Variants in ACBD6 observed in about 807,000 individuals in gnomAD.
ACBD6 encodes acyl-CoA binding domain containing 6.
Under a neutral mutation model 37.2 loss-of-function variants are expected in ACBD6, and 28 were observed. The ratio of observed to expected loss-of-function variants is 0.75; its 90% CI spans 0.56 to 1.03. The LOEUF (loss-of-function observed/expected upper bound fraction) is 1.03, where lower values mean the gene tolerates loss of function less well. Ranked by LOEUF, ACBD6 falls within the 50% of genes least tolerant of loss-of-function variation. The pLI, the probability that ACBD6 is intolerant of heterozygous loss-of-function variation, is 0.00. For synonymous variants in ACBD6, 113 were observed against 126.8 expected (o/e 0.89, Z 0.73); for missense variants, 340 against 337.4 (o/e 1.01, Z -0.06).
chr1:180,303,517 A>G (rs529039706), intron 7 of ACBD6, among the ~76,000 whole-genome samples: 1 of 151,110 alleles, frequency 6.6e-6, no homozygotes, highest in African/African-American at 2.4e-5. Flanking sequence ...AGAAATGGAT[A>G]AATTCCTCGA....
chr1:180,435,437 T>A (rs1571507456), intron 3 of ACBD6: 1 of 414,822 alleles, frequency 2.4e-6, no homozygotes, highest in Non-Finnish European at 4.3e-6. Flanking sequence ...TTTTTTTTAG[T>A]AGAGACGGGG....
rs534462805 is a variant in ACBD6, at chr1:180,333,619, C to T, written c.664-18897G>A. 3.9e-5 allele frequency among the ~76,000 whole-genome samples: 6 copies of T among 152,308 alleles called. No individual in the cohort carries two copies. In the East Asian group the frequency reaches 1.2e-3, roughly 29 times the overall value. ...CAGAAGACGGGTGATTTCTGCATTT[C>T]AACTGAGGTACCGGGGTCATCTCAC... On this transcript the variant is annotated intron_variant, in intron 6 of 7. Transcript: ENST00000367595.
intron 3 of ACBD6, chr1:180,435,901 TG>T: frequency 7.2e-7 from 1 of 1,390,130 alleles, no homozygotes; most frequent in Non-Finnish European, 1.0e-6. Context: ...ACGTCAATGG[TG>T]GTGGCCACAA....
chr1:180,317,529 A>G (rs1650860439), intron 6 of ACBD6, among the ~76,000 whole-genome samples: 1 of 152,204 alleles, frequency 6.6e-6, no homozygotes. Flanking sequence ...CACAATAAAA[A>G]AGAAAGAAAA....
intron 5 of ACBD6, among the ~76,000 whole-genome samples, chr1:180,401,487 AAG>A (rs1647356624): frequency 6.6e-6 from 1 of 152,094 alleles, no homozygotes; most frequent in Admixed American, 6.5e-5. Context: ...AATTAAAAAA[AAG>A]AGAAGAGATT....
intron 4 of ACBD6, among the ~76,000 whole-genome samples, chr1:180,415,847 AAT>A (rs1409554345): frequency 6.6e-6 from 1 of 152,306 alleles, no homozygotes; most frequent in East Asian, 1.9e-4. Context: ...ATGTATCTTA[AAT>A]ATGTTTCTTA....
intron 4 of ACBD6, among the ~76,000 whole-genome samples, chr1:180,424,854 G>C (rs1648518860): frequency 6.6e-6 from 1 of 152,160 alleles, no homozygotes; most frequent in African/African-American, 2.4e-5. Flanking sequence ...TTGTGTACAT[G>C]CTTGGTTGGC....
intron 4 of ACBD6, among the ~76,000 whole-genome samples, chr1:180,421,420 T>G (rs1401452990): frequency 6.6e-6 from 1 of 152,236 alleles, no homozygotes; most frequent in African/African-American, 2.4e-5. Flanking sequence ...TTTAGGTTGA[T>G]CCCATGTCTT....
At chr1:180,470,949 G>A (rs965081236) in intron 3 of ACBD6, among the ~76,000 whole-genome samples, 5 of 152,218 alleles carry the variant, frequency 3.3e-5, no homozygotes, top group East Asian at 1.9e-4. Context: ...AAATAAATCC[G>A]TCTCTTAAAG....
intron 3 of ACBD6, among the ~76,000 whole-genome samples, chr1:180,455,039 T>C (rs1202104820): frequency 1.3e-5 from 2 of 152,196 alleles, no homozygotes; most frequent in Non-Finnish European, 2.9e-5. Flanking sequence ...CAAAGGAGTA[T>C]AAATCATGCT....
At position 180,422,366 on chromosome 1, in the gene ACBD6, C is replaced by T. The variant is rs146854440; in HGVS notation, c.467+7814G>A. On this transcript the variant is annotated intron_variant, in intron 4 of 7. Transcript: ENST00000367595. Reference sequence around the variant, plus strand: ...GATTACAAGCGCACACCACCACTCACGGCTAATTTTTGTATTTTTTGCAGA... The same window carrying T: ...GATTACAAGCGCACACCACCACTCATGGCTAATTTTTGTATTTTTTGCAGA... Among the ~76,000 whole-genome samples the T allele has an allele frequency of 7.0e-3, 1,072 of 152,146 alleles. 9 individuals carry two copies. The highest frequency in any genetic ancestry group is 0.024 in the African/African-American group (1,001 of 41,484).
intron 6 of ACBD6, among the ~76,000 whole-genome samples, chr1:180,396,562 T>C (rs887826453): frequency 6.6e-6 from 1 of 152,176 alleles, no homozygotes; most frequent in African/African-American, 2.4e-5. Flanking sequence ...AAGGGTCTAG[T>C]ATCCAGAATA....
intron 3 of ACBD6, among the ~76,000 whole-genome samples, chr1:180,439,047 T>C (rs1649174276): frequency 6.6e-6 from 1 of 152,224 alleles, no homozygotes; most frequent in Non-Finnish European, 1.5e-5. Flanking sequence ...GATTGGCTTC[T>C]TTCACTTAGC....
At position 180,502,132 on chromosome 1, in the gene ACBD6, C is replaced by G; in HGVS notation, c.135G>C (p.Leu45=). Reference sequence around the variant, plus strand: ...GCAGGTGCGCGGCAGCCTTCTCAAACAGCTCGGCCAGGCAACTGGTCTCCT... The same window carrying G: ...GCAGGTGCGCGGCAGCCTTCTCAAAGAGCTCGGCCAGGCAACTGGTCTCCT... ...EIEETSCLAE[L]FEKAAAHLQG... is the part of the protein sequence containing the mutation. The change falls in exon 1 of 8, where the codon CTG becomes CTC. Residue 45 remains leucine (L), a synonymous_variant. Coordinates refer to ENST00000367595, the MANE Select transcript of ACBD6 (RefSeq NM_032360.4). The G allele has an allele frequency of 6.2e-7, 1 of 1,614,054 alleles. No individual in the cohort carries two copies. The highest frequency in any genetic ancestry group is 8.5e-7 in the Non-Finnish European group (1 of 1,179,976).
At chr1:180,315,451 A>G (rs1479982877) in intron 6 of ACBD6, among the ~76,000 whole-genome samples, 1 of 152,240 alleles carries the variant, frequency 6.6e-6, no homozygotes, top group East Asian at 1.9e-4. Context: ...ACAAGTGAAA[A>G]GCACAATTTA....
At chr1:180,341,004 G>C (rs1425411726) in intron 6 of ACBD6, among the ~76,000 whole-genome samples, 2 of 152,156 alleles carry the variant, frequency 1.3e-5, no homozygotes, top group Non-Finnish European at 2.9e-5. Context: ...TCACTGCTGA[G>C]ATTAGTGGTT....
At chr1:180,399,459 G>A (rs1337379108) in intron 5 of ACBD6, among the ~76,000 whole-genome samples, 2 of 152,010 alleles carry the variant, frequency 1.3e-5, no homozygotes, top group East Asian at 3.9e-4. Context: ...TAGTAGAGAT[G>A]GGGTTTCACC....
At chr1:180,453,498 G>A (rs1420440475) in intron 3 of ACBD6, among the ~76,000 whole-genome samples, 1 of 152,208 alleles carries the variant, frequency 6.6e-6, no homozygotes, top group African/African-American at 2.4e-5. Flanking sequence ...AGACAAGGAT[G>A]CCCTCTCTCA....
At position 180,304,233 on chromosome 1, in the gene ACBD6, C is replaced by T. The variant is rs557790084; in HGVS notation, c.694+10459G>A. 4.6e-5 allele frequency among the ~76,000 whole-genome samples: 7 copies of T among 150,670 alleles called. No individual in the cohort carries two copies. The East Asian group carries it at 1.4e-3, about 29-fold the overall frequency. ...GCCCTCTCTCACCACTCCTATTCAA[C>T]ATAGTGTTGGAAGTTCTGGCCAGGG... On this transcript the variant is annotated intron_variant, in intron 7 of 7. Transcript: ENST00000367595.
Sources: allele counts gnomAD v4.1 joint callset (sites outside exome capture counted in the v4.1 genomes callset), GRCh38; gene constraint gnomAD v4.1.1; transcripts MANE v1.5; gene names NCBI Gene and HGNC (gene_info 2026-07-23, HGNC 2026-07-21).